MED14: variants seen among roughly 807,000 people sequenced by gnomAD.
MED14 encodes mediator of RNA polymerase II transcription subunit 14.
MED14 carries 8 observed loss-of-function variants against 109.0 expected under a neutral mutation model. The observed-to-expected ratio is 0.07, with a 90% CI of 0.04 to 0.13. MED14 has a LOEUF of 0.13. MED14 is among the 10% of genes least tolerant of loss of function. MED14 has a pLI of 1.00. For missense variants in MED14, 711 were observed against 1,142.4 expected (o/e 0.62, Z 5.44); for synonymous variants, 399 against 408.7 (o/e 0.98, Z 0.29).
intron 19 of MED14, among the ~76,000 whole-genome samples, chrX:40,681,204 T>C (rs944167974): frequency 2.7e-5 from 3 of 112,090 alleles, no homozygotes; most frequent in African/African-American, 9.7e-5. Context: ...CGTTTTTCTC[T>C]TGAACTGAAG....
intron 10 of MED14, among the ~76,000 whole-genome samples, chrX:40,706,720 C>T (rs890110290): frequency 7.2e-5 from 8 of 111,771 alleles, no homozygotes; most frequent in Admixed American, 4.7e-4. Flanking sequence ...CCTATGTAAA[C>T]GTATGCTTTG....
chrX:40,725,842 C>T (rs1931876564), intron 3 of MED14, among the ~76,000 whole-genome samples: 1 of 110,961 alleles, frequency 9.0e-6, no homozygotes, highest in East Asian at 2.8e-4. Context: ...AGCAATCAGA[C>T]AAAAGAAAGA....
At chrX:40,703,813 CAA>C (rs1049997394) in intron 10 of MED14, among the ~76,000 whole-genome samples, 2 of 112,108 alleles carry the variant, frequency 1.8e-5, no homozygotes, top group African/African-American at 6.5e-5. Context: ...AAAAAAAATC[CAA>C]AGTTTCTTAA....
At chrX:40,730,378 C>A (rs1932034155) in intron 1 of MED14, among the ~76,000 whole-genome samples, 1 of 111,617 alleles carries the variant, frequency 9.0e-6, no homozygotes, top group Non-Finnish European at 1.9e-5. Context: ...TAGAAGACTG[C>A]AAATAAAGGC....
chrX:40,701,763 GAAT>G (rs1930944485), intron 11 of MED14, among the ~76,000 whole-genome samples: 1 of 111,456 alleles, frequency 9.0e-6, no homozygotes, highest in African/African-American at 3.3e-5. Context: ...CTAGTAAACA[GAAT>G]AATGAGCAAA....
intron 15 of MED14, among the ~76,000 whole-genome samples, chrX:40,690,096 G>C (rs1930442889): frequency 8.9e-6 from 1 of 111,923 alleles, no homozygotes; most frequent in African/African-American, 3.3e-5. Context: ...GGTAGTAACT[G>C]AATGATATTC....
In MED14 at chrX:40,666,935, T is replaced by C. The variant is rs767309401; in HGVS notation, c.3134-84A>G. ...GGACCCCAAGTTAAAAATCTCCCTA[T>C]AAATTAAAGAAACAAGTAGTATAGC... On this transcript the variant is annotated intron_variant, in intron 23 of 30. Coordinates refer to ENST00000324817, the MANE Select transcript of MED14 (RefSeq NM_004229.4). 587 of 880,703 alleles carry C rather than the reference T, an allele frequency of 6.7e-4. 2 individuals are homozygous for C. The South Asian group carries it at 0.015, about 22-fold the overall frequency. The allele number at this position is 880,703 out of a possible 1,213,427, so 72.6% of individuals were successfully genotyped here. A position where few individuals can be genotyped will look rare whatever the true frequency, so the allele number is the denominator to read the frequency against.
intron 3 of MED14, among the ~76,000 whole-genome samples, chrX:40,715,318 CA>C (rs759291551): frequency 7.0e-4 from 78 of 111,783 alleles, no homozygotes; most frequent in African/African-American, 2.5e-3. Context: ...GGGGAAAGGA[CA>C]GTTTCTTTAA....
chrX:40,692,254 A>G lies in MED14; in HGVS notation c.1909T>C (p.Phe637Leu), dbSNP rs771472016. 3 of 1,202,090 alleles carry G rather than the reference A, an allele frequency of 2.5e-6. No individual in the cohort carries two copies. Among genetic ancestry groups the G allele is most frequent in the Non-Finnish European group, 3.4e-6 (3 of 886,862 alleles). Residue 637 changes from phenylalanine to leucine, a missense_variant, in exon 15 of 31, where the codon TTC becomes CTC. Phe to Leu is a conservative substitution (Grantham distance 22, BLOSUM62 0). Transcript: ENST00000324817. ...KTKRAGEMCA[F>L]NKVLAHFVAM... ...ACGAAGTGGGCTAAAACTTTATTGA[A>G]GGCACACATTTCTCCTGCTCGTTTT...
chrX:40,723,667 G>GAA lies in MED14; in HGVS notation c.348+3077_348+3078dup, dbSNP rs56676419. Among the ~76,000 whole-genome samples, 165 of 17,989 alleles carry GAA rather than the reference G, an allele frequency of 9.2e-3. 53 individuals carry two copies. Among genetic ancestry groups the GAA allele is most frequent in the African/African-American group, 0.037 (146 of 3,917 alleles). The allele number at this position is 17,989 out of a possible 115,157, so 15.6% of individuals were successfully genotyped here. ...GGCAACAGAGTGAGACTCCGTCTCA[G>GAA]AAAAAAAAAAAAAAAAAAAAAAAAA... is the stretch of plus-strand genomic sequence containing the variant. On this transcript the variant is annotated intron_variant, in intron 3 of 30. Coordinates refer to ENST00000324817, the MANE Select transcript of MED14 (RefSeq NM_004229.4).
At chrX:40,681,796 A>T (rs1230629886) in intron 19 of MED14, 56 bp downstream of exon 19, 1 of 655,700 alleles carries the variant, frequency 1.5e-6, no homozygotes, top group South Asian at 3.1e-5. Flanking sequence ...TGTTTTTTTA[A>T]TTCTTGATTT....
rs1209691565 is a variant in MED14 at position 40,688,463 on chromosome X, C to T, written c.2048G>A (p.Arg683His). ...VEGDGFSHAI[R>H]LLKIPPCKGI... The stretch of plus-strand genomic sequence containing the variant: ...TATGACAGGGGCTTACTTTAATAAG[C>T]GAATTGCATGGCTGAAGCCATCACC... The change falls in exon 16 of 31, where the codon CGC (arginine) becomes CAC (histidine). Residue 683 changes from arginine to histidine, a missense_variant. By Grantham distance (29) the Arg-to-His change is conservative. Coordinates refer to ENST00000324817, the MANE Select transcript of MED14 (RefSeq NM_004229.4). 6.7e-6 allele frequency: 8 copies of T among 1,201,116 alleles called. No individual in the cohort carries two copies. Among genetic ancestry groups the T allele is most frequent in the African/African-American group, 3.5e-5 (2 of 57,083 alleles).
intron 19 of MED14, 74 bp from the exon 20 acceptor site, chrX:40,680,984 AAAGT>A: frequency 1.9e-5 from 15 of 785,425 alleles, no homozygotes; most frequent in Non-Finnish European, 2.7e-5. Flanking sequence ...AAAAATGTTA[AAAGT>A]AAGGCAAAAC....
intron 12 of MED14, among the ~76,000 whole-genome samples, chrX:40,700,886 AT>A (rs1406007342): frequency 8.9e-6 from 1 of 111,834 alleles, no homozygotes; most frequent in Non-Finnish European, 1.9e-5. Context: ...TGTGTAAGTG[AT>A]TTGTAAAGTG....
intron 3 of MED14, among the ~76,000 whole-genome samples, chrX:40,717,628 T>C (rs1931578785): frequency 9.0e-6 from 1 of 111,362 alleles, no homozygotes; most frequent in African/African-American, 3.3e-5. Context: ...GTTCAAGCAA[T>C]TCTCCTGGCT....
rs931629015 is a variant in MED14 at position 40,650,488 on chromosome X, C to A, written c.*1318G>T. 6.6e-6 allele frequency: 5 copies of A among 752,176 alleles called. No homozygotes were observed. Among genetic ancestry groups the A allele is most frequent in the Admixed American group, 1.8e-4 (2 of 11,391 alleles). The allele number at this position is 752,176 out of a possible 1,213,427, so 62.0% of individuals were successfully genotyped here. ...CCAGTATTACAGTGACCAGGTAACTCGGCATGGTATTATCACTTAAAAATT... is the reference window on the plus strand; with the variant it reads ...CCAGTATTACAGTGACCAGGTAACTAGGCATGGTATTATCACTTAAAAATT... On this transcript the variant is annotated 3_prime_UTR_variant, in exon 31 of 31. Transcript: ENST00000324817.
rs1363095059 is a variant in MED14, at chrX:40,663,140, T to C, written c.3469A>G (p.Asn1157Asp). ...GGTAGTTTACGAGGTGGAGGCATGT[T>C]TGTTGGCATTGTTTGAGAACCTTTT... ...AGTSSQTMPT[N>D]MPPPRKLPQR... is the part of the protein sequence containing the mutation. The change falls in exon 26 of 31, where the codon AAC becomes GAC. Residue 1157 changes from asparagine (N) to aspartate (D), a missense_variant. Coordinates refer to ENST00000324817, the MANE Select transcript of MED14 (RefSeq NM_004229.4). 2.5e-6 allele frequency: 3 copies of C among 1,209,281 alleles called. No individual in the cohort carries two copies. Among genetic ancestry groups the C allele is most frequent in the Non-Finnish European group, 3.4e-6 (3 of 893,437 alleles).
intron 16 of MED14, among the ~76,000 whole-genome samples, chrX:40,685,806 T>C (rs1930273417): frequency 8.9e-6 from 1 of 112,215 alleles, no homozygotes; most frequent in South Asian, 3.6e-4. Flanking sequence ...GAGGCCTGCT[T>C]AACAAATTTT....
chrX:40,656,718 A>G (rs1929065998), intron 28 of MED14, among the ~76,000 whole-genome samples: 1 of 112,098 alleles, frequency 8.9e-6, no homozygotes, highest in South Asian at 3.7e-4. Flanking sequence ...AAGCTTTGTT[A>G]AACAACACAA....
Sources: allele counts gnomAD v4.1 joint callset (sites outside exome capture counted in the v4.1 genomes callset), GRCh38; gene constraint gnomAD v4.1.1; transcripts MANE v1.5; gene names NCBI Gene and HGNC (gene_info 2026-07-23, HGNC 2026-07-21).